LIPC: variants seen among roughly 807,000 people sequenced by gnomAD.
LIPC encodes the protein lipase C, hepatic type.
LIPC carries 44 observed loss-of-function variants against 50.7 expected under a neutral mutation model. That is an observed-to-expected ratio of 0.87 (90% confidence interval 0.68 to 1.11). The LOEUF (loss-of-function observed/expected upper bound fraction) is 1.11, where lower values mean the gene tolerates loss of function less well. Ranked by LOEUF, LIPC falls within the 50% of genes most tolerant of loss-of-function variation. The pLI is 0.00. For synonymous variants in LIPC, 271 were observed against 256.4 expected, an observed-to-expected ratio of 1.06 and a Z score of -0.54; for missense variants, 697 against 648.2, an observed-to-expected ratio of 1.08 and a Z score of -0.82.
At chr15:58,508,797 C>T (rs1892243765) in intron 1 of LIPC, among the ~76,000 whole-genome samples, 1 of 152,122 alleles carries the variant, frequency 6.6e-6, no homozygotes, top group African/African-American at 2.4e-5. Context: ...GAAGAACCAA[C>T]CAACCTGACC....
chr15:58,449,472 T>C (rs369042086), intron 1 of LIPC, among the ~76,000 whole-genome samples: 2 of 152,336 alleles, frequency 1.3e-5, no homozygotes, highest in African/African-American at 2.4e-5. Flanking sequence ...TGCTTGGGAC[T>C]GATTGCTATT....
At chr15:58,462,349 T>G (rs1894384056) in intron 1 of LIPC, among the ~76,000 whole-genome samples, 1 of 152,160 alleles carries the variant, frequency 6.6e-6, no homozygotes. Flanking sequence ...TAAATGAACA[T>G]CGGGATCCAG....
chr15:58,508,449 G>A (rs565292663), intron 1 of LIPC, among the ~76,000 whole-genome samples: 2 of 152,242 alleles, frequency 1.3e-5, no homozygotes, highest in Non-Finnish European at 2.9e-5. Flanking sequence ...AGTCTTACTC[G>A]CTGTGGTCAT....
chr15:58,523,443 G>T (rs979700857), intron 1 of LIPC: 4 of 152,270 alleles, frequency 2.6e-5, no homozygotes, highest in Admixed American at 2.6e-4. Context: ...AGACAGACAC[G>T]TAAGCCAAGA....
In LIPC at chr15:58,548,554, GC is replaced by G; in HGVS notation, c.1036del (p.Gln346SerfsTer68). 6.3e-7 allele frequency: 1 copy of G among 1,592,400 alleles called. No individual in the cohort carries two copies. The highest frequency in any genetic ancestry group is 1.1e-5 in the South Asian group (1 of 88,034). ...CAAGAGGCTCTTCCTCGTAACGCGAGCCCAGTCCCCCTTCAAAGGTGAGTGT... is the reference window on the plus strand; with the variant it reads ...CAAGAGGCTCTTCCTCGTAACGCGAGCCAGTCCCCCTTCAAAGGTGAGTGT... The part of the protein sequence containing the change: ...KSKRLFLVTR[A>X]QSPFKVYHYQ... On this transcript the variant is annotated frameshift_variant, in exon 6 of 9. Transcript: ENST00000299022. LOFTEE classifies it high-confidence loss of function.
At chr15:58,525,941 T>A (rs1005915568) in intron 1 of LIPC, among the ~76,000 whole-genome samples, 12 of 152,148 alleles carry the variant, frequency 7.9e-5, no homozygotes, top group African/African-American at 2.9e-4. Flanking sequence ...CCAGGCATTG[T>A]GGGAGGTACT....
chr15:58,475,609 C>A (rs138181671), intron 1 of LIPC, among the ~76,000 whole-genome samples: 1 of 152,342 alleles, frequency 6.6e-6, no homozygotes, highest in African/African-American at 2.4e-5. Context: ...TGCTCAGGCA[C>A]TCCTGGAGCA....
chr15:58,503,575 T>C (rs558583416), intron 1 of LIPC, among the ~76,000 whole-genome samples: 1 of 152,322 alleles, frequency 6.6e-6, no homozygotes, highest in South Asian at 2.1e-4. Flanking sequence ...GGCAGCACCC[T>C]GTGAGTGTCT....
intron 1 of LIPC, among the ~76,000 whole-genome samples, chr15:58,463,061 C>A (rs550727625): frequency 6.6e-6 from 1 of 151,924 alleles, no homozygotes; most frequent in East Asian, 1.9e-4. Context: ...GTGGACTGCC[C>A]CTGGAGCAGC....
intron 8 of LIPC, chr15:58,565,324 C>A: frequency 1.3e-6 from 2 of 1,534,650 alleles, no homozygotes; most frequent in East Asian, 2.4e-5. Flanking sequence ...GAGAGTAATT[C>A]CTCAGTTTAG....
chr15:58,523,162 T>G (rs964119348), intron 1 of LIPC: 3 of 152,490 alleles, frequency 2.0e-5, no homozygotes, highest in African/African-American at 7.2e-5. Flanking sequence ...GCTGCCCAGC[T>G]TCTGAGCTGC....
At chr15:58,439,177 T>A (rs1257082591) in intron 1 of LIPC, among the ~76,000 whole-genome samples, 1 of 152,196 alleles carries the variant, frequency 6.6e-6, no homozygotes, top group African/African-American at 2.4e-5. Context: ...TGTCCTGTGA[T>A]TACAACTGTG....
Position 58,545,284 on chromosome 15 carries a change from A to G in LIPC, c.575-458A>G, listed in dbSNP as rs542769027. 7.3e-5 allele frequency among the ~76,000 whole-genome samples: 11 copies of G among 151,612 alleles called. No homozygotes were observed. In the East Asian group the frequency reaches 1.6e-3, roughly 21 times the overall value. ...GACAGGATCTCCCTCTGTTGCCTAG[A>G]CTGGGTCACAGTGGTGCAGTCATGA... On this transcript the variant is annotated intron_variant, in intron 4 of 8. Transcript: ENST00000299022.
At chr15:58,567,000 G>A (rs1339092573) in intron 8 of LIPC, among the ~76,000 whole-genome samples, 3 of 151,710 alleles carry the variant, frequency 2.0e-5, no homozygotes, top group Non-Finnish European at 2.9e-5. Flanking sequence ...ACAATGTTGT[G>A]GACACCAGAT....
intron 8 of LIPC, chr15:58,566,203 G>C: frequency 1.0e-6 from 1 of 985,356 alleles, no homozygotes; most frequent in Non-Finnish European, 1.2e-6. Flanking sequence ...TACACAACCC[G>C]GGAAGTGTAA....
At chr15:58,553,168 A>G (rs1028313367) in intron 6 of LIPC, among the ~76,000 whole-genome samples, 1 of 152,166 alleles carries the variant, frequency 6.6e-6, no homozygotes, top group African/African-American at 2.4e-5. Flanking sequence ...GGCTCTGTCT[A>G]TCCGTTGAGG....
chr15:58,494,187 G>A (rs1317239614), intron 1 of LIPC, among the ~76,000 whole-genome samples: 1 of 152,234 alleles, frequency 6.6e-6, no homozygotes, highest in Non-Finnish European at 1.5e-5. Flanking sequence ...TCCCCAGAGA[G>A]AGCAAGAGGC....
intron 1 of LIPC, chr15:58,523,166 G>A (rs974941562): frequency 2.0e-5 from 3 of 152,364 alleles, no homozygotes; most frequent in Admixed American, 2.0e-4. Flanking sequence ...CCCAGCTTCT[G>A]AGCTGCAAGC....
At chr15:58,476,272 G>A (rs1292434915) in intron 1 of LIPC, among the ~76,000 whole-genome samples, 2 of 152,262 alleles carry the variant, frequency 1.3e-5, no homozygotes, top group African/African-American at 4.8e-5. Flanking sequence ...TGAGAAGAAA[G>A]CAGGCCAGGT....
Sources: gnomAD v4.1 joint callset for allele counts (sites outside exome capture counted in the v4.1 genomes callset) on GRCh38, gnomAD v4.1.1 for gene constraint, MANE v1.5 for transcripts, NCBI Gene and HGNC (gene_info 2026-07-23, HGNC 2026-07-21) for gene names.